Variants in TCF7L1 observed in about 807,000 individuals in gnomAD.
The protein encoded by TCF7L1 is transcription factor 7-like 1.
TCF7L1 carries 18 observed loss-of-function variants against 63.7 expected under a neutral mutation model. That is an observed-to-expected ratio of 0.28 (90% confidence interval 0.20 to 0.42). TCF7L1 has a LOEUF of 0.42. Ranked by LOEUF, TCF7L1 falls within the 10% of genes least tolerant of loss-of-function variation. TCF7L1 has a pLI of 1.00. For synonymous variants in TCF7L1, 355 were observed against 340.9 expected (o/e 1.04, Z -0.46); for missense variants, 654 against 779.3 (o/e 0.84, Z 1.91).
chr2:85,279,662 T>A (rs936847886), intron 3 of TCF7L1, among the ~76,000 whole-genome samples: 1 of 151,682 alleles, frequency 6.6e-6, no homozygotes, highest in Non-Finnish European at 1.5e-5. Context: ...CTCTTCCTCC[T>A]CCCCCCGTCA....
chr2:85,304,888 G>A (rs1466927922), intron 7 of TCF7L1, among the ~76,000 whole-genome samples: 2 of 152,186 alleles, frequency 1.3e-5, no homozygotes, highest in African/African-American at 4.8e-5. Context: ...GACGGTGAAA[G>A]GGGATTTCTG....
At chr2:85,213,092 C>T (rs573169091) in intron 3 of TCF7L1, among the ~76,000 whole-genome samples, 3 of 142,990 alleles carry the variant, frequency 2.1e-5, no homozygotes, top group South Asian at 4.3e-4. Flanking sequence ...GCCCAGAAAA[C>T]GCCTTGAAGG....
chr2:85,156,352 C>T (rs887172622), intron 3 of TCF7L1, among the ~76,000 whole-genome samples: 2 of 152,192 alleles, frequency 1.3e-5, no homozygotes, highest in South Asian at 2.1e-4. Flanking sequence ...GAATGACCAC[C>T]GCAGCCTGCT....
chr2:85,266,570 G>A (rs965790209), intron 3 of TCF7L1, among the ~76,000 whole-genome samples: 9 of 152,238 alleles, frequency 5.9e-5, no homozygotes, highest in Non-Finnish European at 1.0e-4. Flanking sequence ...GGGGTTTTCA[G>A]TGCAGCAGGT....
At chr2:85,282,760 G>T (rs1573024615) in intron 3 of TCF7L1, among the ~76,000 whole-genome samples, 1 of 150,224 alleles carries the variant, frequency 6.7e-6, no homozygotes, top group African/African-American at 2.5e-5. Flanking sequence ...TAGGCTCTTG[G>T]CAAGGACTGT....
intron 3 of TCF7L1, among the ~76,000 whole-genome samples, chr2:85,172,094 C>T (rs1039597817): frequency 1.3e-5 from 2 of 152,092 alleles, no homozygotes; most frequent in Admixed American, 6.5e-5. Context: ...TTGATGTTGC[C>T]ACCAGAAGGC....
chr2:85,283,264 G>GCCCC (rs1573024945), intron 3 of TCF7L1, among the ~76,000 whole-genome samples: 5 of 75,168 alleles, frequency 6.7e-5, no homozygotes, highest in Non-Finnish European at 1.0e-4. Flanking sequence ...TGTCATTCGT[G>GCCCC]TCCCCCCCCC....
intron 3 of TCF7L1, among the ~76,000 whole-genome samples, chr2:85,240,168 C>T (rs1317317744): frequency 4.6e-5 from 7 of 152,218 alleles, no homozygotes; most frequent in Admixed American, 4.6e-4. Context: ...TCCATAGCCA[C>T]ATGTGGCAAG....
At chr2:85,279,505 A>G (rs963211503) in intron 3 of TCF7L1, among the ~76,000 whole-genome samples, 16 of 152,214 alleles carry the variant, frequency 1.1e-4, no homozygotes, top group Admixed American at 3.9e-4. Context: ...TCAAATGTCT[A>G]GTACTGCAGT....
intron 3 of TCF7L1, among the ~76,000 whole-genome samples, chr2:85,183,751 T>C (rs2104253954): frequency 6.6e-6 from 1 of 152,296 alleles, no homozygotes; most frequent in South Asian, 2.1e-4. Flanking sequence ...AAGTGAGGAC[T>C]TAGTGCAGAC....
chr2:85,276,663 C>G (rs1017904409), intron 3 of TCF7L1, among the ~76,000 whole-genome samples: 2 of 152,172 alleles, frequency 1.3e-5, no homozygotes, highest in African/African-American at 4.8e-5. Flanking sequence ...CAGGCAGAGG[C>G]TGTTCAACCC....
At chr2:85,308,448 T>TCCCTCC (rs1682186272) in intron 11 of TCF7L1, among the ~76,000 whole-genome samples, 4 of 62,826 alleles carry the variant, frequency 6.4e-5, no homozygotes, top group African/African-American at 9.0e-5. Flanking sequence ...TCCCTTTCTC[T>TCCCTCC]TTCCCTCCCT....
At chr2:85,233,634 C>CTAT (rs1341908223) in intron 3 of TCF7L1, among the ~76,000 whole-genome samples, 1 of 152,112 alleles carries the variant, frequency 6.6e-6, no homozygotes, top group African/African-American at 2.4e-5. Context: ...TTTTAACATG[C>CTAT]TATAAAATTA....
chr2:85,179,672 G>A (rs573059905), intron 3 of TCF7L1, among the ~76,000 whole-genome samples: 16 of 152,232 alleles, frequency 1.1e-4, no homozygotes, highest in African/African-American at 3.1e-4. Context: ...GAAACCCTCC[G>A]TTACCTGCTG....
At chr2:85,226,752 A>T (rs1020975804) in intron 3 of TCF7L1, among the ~76,000 whole-genome samples, 1 of 151,292 alleles carries the variant, frequency 6.6e-6, no homozygotes, top group Non-Finnish European at 1.5e-5. Flanking sequence ...GTGGTTTTCC[A>T]GCCTGGATCA....
At chr2:85,159,599 C>G (rs1678234036) in intron 3 of TCF7L1, among the ~76,000 whole-genome samples, 1 of 152,248 alleles carries the variant, frequency 6.6e-6, no homozygotes, top group African/African-American at 2.4e-5. Flanking sequence ...AGTGCCTGCC[C>G]TCTCCTTTGC....
rs1470673353 is a variant in TCF7L1 at position 85,162,260 on chromosome 2, T to A, written c.441+27810T>A. Among the ~76,000 whole-genome samples, 6 of 152,090 alleles carry A rather than the reference T, an allele frequency of 3.9e-5. No individual in the cohort carries two copies. In the South Asian group the frequency reaches 6.2e-4, roughly 16 times the overall value. On this transcript the variant is annotated intron_variant, in intron 3 of 11. Transcript: ENST00000282111. ...CTCAAAAAAAATAAATAAATAATTTTAAAAAAAGAAAGTCCGCATGCCTGA... is the reference window on the plus strand; with the variant it reads ...CTCAAAAAAAATAAATAAATAATTTAAAAAAAAGAAAGTCCGCATGCCTGA...
At chr2:85,209,198 C>A (rs574755766) in intron 3 of TCF7L1, among the ~76,000 whole-genome samples, 3 of 152,208 alleles carry the variant, frequency 2.0e-5, no homozygotes, top group Non-Finnish European at 4.4e-5. Context: ...GGCAGTATAT[C>A]TCTAAGCAGT....
intron 3 of TCF7L1, among the ~76,000 whole-genome samples, chr2:85,270,473 T>C (rs1483931084): frequency 6.6e-6 from 1 of 152,240 alleles, no homozygotes; most frequent in Non-Finnish European, 1.5e-5. Flanking sequence ...ATCTACCTCC[T>C]GGCGTAAATC....
Sources: gnomAD v4.1 joint callset for allele counts (sites outside exome capture counted in the v4.1 genomes callset) on GRCh38, gnomAD v4.1.1 for gene constraint, MANE v1.5 for transcripts, NCBI Gene and HGNC (gene_info 2026-07-23, HGNC 2026-07-21) for gene names.